The following SLC4A5 variants were observed in gnomAD, a reference collection of about 807,000 sequenced individuals.
SLC4A5 encodes solute carrier family 4 member 5.
SLC4A5 carries 96 observed loss-of-function variants against 120.4 expected under a neutral mutation model. The observed-to-expected ratio is 0.80, with a 90% CI of 0.68 to 0.94. SLC4A5 has a LOEUF of 0.94. SLC4A5 is among the 40% of genes least tolerant of loss of function. The pLI is 0.00. For missense variants in SLC4A5, 1,259 were observed against 1,459.5 expected (o/e 0.86, Z 2.24); for synonymous variants, 550 against 571.1 (o/e 0.96, Z 0.53).
At chr2:74,241,427 A>C (rs925829626) in intron 20 of SLC4A5, among the ~76,000 whole-genome samples, 1 of 151,776 alleles carries the variant, frequency 6.6e-6, no homozygotes, top group African/African-American at 2.4e-5. Flanking sequence ...CACTACACCC[A>C]GCTCGTATCA....
At chr2:74,237,537 C>T (rs551593839) in intron 21 of SLC4A5, among the ~76,000 whole-genome samples, 1 of 152,250 alleles carries the variant, frequency 6.6e-6, no homozygotes, top group African/African-American at 2.4e-5. Context: ...GTGAAGCTTC[C>T]TAAAGCACCT....
intron 9 of SLC4A5, 52 bp downstream of exon 9, chr2:74,265,052 C>T: frequency 1.3e-6 from 2 of 1,570,312 alleles, no homozygotes; most frequent in East Asian, 2.3e-5. Flanking sequence ...AGGGGAGCTG[C>T]CCTGGTTTGC....
chr2:74,302,079 G>C (rs998245950), intron 7 of SLC4A5, among the ~76,000 whole-genome samples: 1 of 152,098 alleles, frequency 6.6e-6, no homozygotes, highest in African/African-American at 2.4e-5. Flanking sequence ...GGAATATGTG[G>C]CTTCCTGGGG....
In SLC4A5 at chr2:74,241,467, G is replaced by A. The variant is rs1244186989; in HGVS notation, c.2118+527C>T. 7.2e-5 allele frequency among the ~76,000 whole-genome samples: 11 copies of A among 151,820 alleles called. No individual in the cohort carries two copies. In the South Asian group the frequency reaches 1.5e-3, roughly 20 times the overall value. ...ATTAATACACATGAGGGGGCCAGGC[G>A]CGGTGGCTCACGCCTGTAATCCCAG... On this transcript the variant is annotated intron_variant, in intron 20 of 30. Coordinates refer to ENST00000394019, the Ensembl canonical transcript of SLC4A5.
intron 3 of SLC4A5, among the ~76,000 whole-genome samples, chr2:74,338,325 A>T (rs1273222333): frequency 6.6e-6 from 1 of 152,192 alleles, no homozygotes; most frequent in Non-Finnish European, 1.5e-5. Flanking sequence ...GTGTTATTTT[A>T]AAAATCTACA....
rs1367071379 is a variant in SLC4A5, at chr2:74,239,244, G to C, written c.2319+91C>G. 3.3e-6 allele frequency: 4 copies of C among 1,230,614 alleles called. No individual in the cohort carries two copies. In the Admixed American group the frequency reaches 5.4e-5, roughly 17 times the overall value. 76.2% of individuals were successfully genotyped at this position (1,230,614 alleles called of 1,614,324 possible). A position where few individuals can be genotyped will look rare whatever the true frequency, so the allele number is the denominator to read the frequency against. On this transcript the variant is annotated intron_variant, in intron 21 of 30. Transcript: ENST00000394019. Reference sequence around the variant, plus strand: ...ACCCCAGTGGGCCAGTGCTCGCATGGAGTCCATCCTGTCGGTGGACCAGAA... The same window carrying C: ...ACCCCAGTGGGCCAGTGCTCGCATGCAGTCCATCCTGTCGGTGGACCAGAA...
intron 25 of SLC4A5, among the ~76,000 whole-genome samples, chr2:74,229,429 A>T (rs1573005453): frequency 6.6e-6 from 1 of 151,360 alleles, no homozygotes; most frequent in African/African-American, 2.4e-5. Flanking sequence ...TTGTATTTTT[A>T]GTAGACACAG....
At chr2:74,306,666 T>TA in intron 6 of SLC4A5, 1 of 631,054 alleles carries the variant, frequency 1.6e-6, no homozygotes, top group South Asian at 2.0e-5. Context: ...TTTTTTTTTT[T>TA]AACCTCTGAA....
chr2:74,247,309 T>C lies in SLC4A5; in HGVS notation c.1788-2A>G, dbSNP rs1573022918. 1 of 1,610,424 alleles carries C rather than the reference T, an allele frequency of 6.2e-7. No individual in the cohort carries two copies. The highest frequency in any genetic ancestry group is 1.3e-5 in the African/African-American group (1 of 74,960). The stretch of plus-strand genomic sequence containing the variant: ...TCCATGTAGTCCAGGCCATTGCCTC[T>C]GGAAGGCAGAGGGGAGGTGAGGGGC... On this transcript the variant is annotated splice_acceptor_variant, in intron 18 of 30. Transcript: ENST00000394019. LOFTEE classifies it high-confidence loss of function.
intron 8 of SLC4A5, among the ~76,000 whole-genome samples, chr2:74,274,099 A>T (rs1290218418): frequency 6.6e-6 from 1 of 152,052 alleles, no homozygotes; most frequent in Non-Finnish European, 1.5e-5. Context: ...GTATTATCTC[A>T]TCTAATCCTT....
chr2:74,307,551 T>C (rs1672682569), intron 6 of SLC4A5: 1 of 641,688 alleles, frequency 1.6e-6, no homozygotes, highest in Admixed American at 1.8e-5. Context: ...ATGGGCACTG[T>C]CGATCTGCAC....
intron 3 of SLC4A5, among the ~76,000 whole-genome samples, chr2:74,337,122 G>A (rs1200455562): frequency 6.6e-6 from 1 of 152,188 alleles, no homozygotes; most frequent in Non-Finnish European, 1.5e-5. Context: ...CCTGGAGGCT[G>A]AGGTCCCAAT....
chr2:74,250,466 TG>T lies in SLC4A5; in HGVS notation c.1529del (p.Pro510GlnfsTer44). Reference sequence around the variant, plus strand: ...TGTGGAAGCCATCATAGAAGTCACTTGGGAACCAGGGCAACTTCCTCTTGAT... The same window carrying T: ...TGTGGAAGCCATCATAGAAGTCACTTGGAACCAGGGCAACTTCCTCTTGAT... On this transcript the variant is annotated frameshift_variant, in exon 17 of 31. Coordinates refer to ENST00000394019, the Ensembl canonical transcript of SLC4A5. LOFTEE classifies it high-confidence loss of function. 6.2e-6 allele frequency: 10 copies of T among 1,614,178 alleles called. No homozygotes were observed. The highest frequency in any genetic ancestry group is 8.5e-6 in the Non-Finnish European group (10 of 1,180,040).
intron 24 of SLC4A5, 65 bp downstream of exon 24, chr2:74,232,404 C>G (rs1670119022): frequency 6.4e-7 from 1 of 1,558,950 alleles, no homozygotes; most frequent in African/African-American, 1.4e-5. Context: ...GCAGGCAAAG[C>G]CAGCTTCTCC....
chr2:74,339,566 T>C (rs1673578422), intron 2 of SLC4A5: 1 of 152,226 alleles, frequency 6.6e-6, no homozygotes, highest in Non-Finnish European at 1.5e-5. Context: ...CTGGTTACAG[T>C]GATGCTTCCT....
chr2:74,253,216 C>T, intron 14 of SLC4A5, 88 bp from the exon 15 acceptor site: 2 of 1,467,050 alleles, frequency 1.4e-6, no homozygotes, highest in Non-Finnish European at 1.9e-6. Context: ...TTAAAGGAAT[C>T]CCTTTGAACC....
At chr2:74,296,175 G>A (rs903486927) in intron 7 of SLC4A5, among the ~76,000 whole-genome samples, 2 of 151,976 alleles carry the variant, frequency 1.3e-5, no homozygotes, top group Admixed American at 1.3e-4. Context: ...GGCTAGGGAG[G>A]GAATGCAGTA....
chr2:74,293,583 G>A (rs1428937135), intron 7 of SLC4A5, among the ~76,000 whole-genome samples: 1 of 152,238 alleles, frequency 6.6e-6, no homozygotes, highest in African/African-American at 2.4e-5. Flanking sequence ...AGAGGAAGCA[G>A]CCTAGAGGCG....
intron 7 of SLC4A5, among the ~76,000 whole-genome samples, chr2:74,301,657 C>G (rs1193276740): frequency 6.6e-6 from 1 of 152,252 alleles, no homozygotes; most frequent in Non-Finnish European, 1.5e-5. Context: ...ATTTTGACTT[C>G]TGCAGGGCAT....
Sources: allele counts gnomAD v4.1 joint callset (sites outside exome capture counted in the v4.1 genomes callset), GRCh38; gene constraint gnomAD v4.1.1; transcripts MANE v1.5; gene names NCBI Gene and HGNC (gene_info 2026-07-23, HGNC 2026-07-21).